Variants in WDPCP observed in about 807,000 individuals in gnomAD.
The protein encoded by WDPCP is WD repeat-containing and planar cell polarity effector protein fritz homolog.
Under a neutral mutation model 93.1 loss-of-function variants are expected in WDPCP, and 71 were observed. The ratio of observed to expected loss-of-function variants is 0.76; its 90% confidence interval spans 0.63 to 0.93. WDPCP has a LOEUF of 0.93. WDPCP is among the 40% of genes least tolerant of loss of function. The pLI is 0.00. For synonymous variants in WDPCP, 315 were observed against 315.0 expected (o/e 1.00, Z 0.00); for missense variants, 844 against 887.4 (o/e 0.95, Z 0.62).
intron 12 of WDPCP, among the ~76,000 whole-genome samples, chr2:63,333,949 A>G (rs1321082011): frequency 6.6e-6 from 1 of 152,242 alleles, no homozygotes; most frequent in Non-Finnish European, 1.5e-5. Flanking sequence ...GAAATAATGA[A>G]GGGGAAATAT....
the WDPCP span, among the ~76,000 whole-genome samples, chr2:63,836,753 A>T: frequency 2.6e-5 from 4 of 152,334 alleles, no homozygotes; most frequent in East Asian, 7.7e-4. Context: ...ATTTCTCACC[A>T]ACACTCTCCT....
chr2:63,732,298 T>C (rs905371483), intron 2 of WDPCP, among the ~76,000 whole-genome samples: 2 of 152,234 alleles, frequency 1.3e-5, no homozygotes, highest in Non-Finnish European at 2.9e-5. Flanking sequence ...ATTGATGCTA[T>C]AAAGACTAGG....
intron 14 of WDPCP, among the ~76,000 whole-genome samples, chr2:63,249,738 G>A (rs1332001552): frequency 6.6e-6 from 1 of 152,278 alleles, no homozygotes; most frequent in East Asian, 1.9e-4. Flanking sequence ...TTCCAGGTAT[G>A]GTAGTCTTCC....
intron 6 of WDPCP, among the ~76,000 whole-genome samples, chr2:63,469,532 A>G (rs921514379): frequency 2.0e-5 from 3 of 152,208 alleles, no homozygotes; most frequent in Non-Finnish European, 4.4e-5. Context: ...AAGGACTAAG[A>G]CCATGTTCTT....
Position 63,285,433 on chromosome 2 carries a change from CA to C in WDPCP, c.1813-26025del, listed in dbSNP as rs749712426. 6.7e-3 allele frequency among the ~76,000 whole-genome samples: 343 copies of C among 50,864 alleles called. 2 individuals carry two copies. Among genetic ancestry groups the C allele is most frequent in the African/African-American group, 8.2e-3 (102 of 12,364 alleles). The allele number at this position is 50,864 out of a possible 152,430, so 33.4% of individuals were successfully genotyped here. A position where few individuals can be genotyped will look rare whatever the true frequency, so the allele number is the denominator to read the frequency against. On this transcript the variant is annotated intron_variant, in intron 13 of 17. Transcript: ENST00000272321. ...TGGGTGACAGAGTGAGACTCCATCT[CA>C]AAAAAAAAAAAAAAAAAGTCCAAAA... is the stretch of plus-strand genomic sequence containing the variant.
At chr2:63,729,628 CA>C (rs1327884078) in intron 2 of WDPCP, among the ~76,000 whole-genome samples, 3 of 151,934 alleles carry the variant, frequency 2.0e-5, no homozygotes, top group Non-Finnish European at 4.4e-5. Flanking sequence ...CAAAGCAAAA[CA>C]AAACAAAAAA....
At chr2:63,719,369 T>A (rs890184253) in intron 2 of WDPCP, among the ~76,000 whole-genome samples, 1 of 152,166 alleles carries the variant, frequency 6.6e-6, no homozygotes, top group African/African-American at 2.4e-5. Context: ...TACCCTGACC[T>A]CTTTTTCTGT....
At chr2:63,801,207 T>C (rs1171825731) in intron 2 of WDPCP, among the ~76,000 whole-genome samples, 2 of 152,298 alleles carry the variant, frequency 1.3e-5, no homozygotes, top group African/African-American at 4.8e-5. Context: ...GCAGGAATCA[T>C]ATGAAGGTTT....
intron 17 of WDPCP, among the ~76,000 whole-genome samples, chr2:63,137,119 T>C (rs1330168753): frequency 1.3e-5 from 2 of 152,182 alleles, no homozygotes; most frequent in African/African-American, 2.4e-5. Flanking sequence ...CTGTAGGACG[T>C]TGAGGAATCA....
intron 14 of WDPCP, among the ~76,000 whole-genome samples, chr2:63,237,041 T>C (rs1380628406): frequency 1.3e-5 from 2 of 151,426 alleles, no homozygotes; most frequent in Non-Finnish European, 2.9e-5. Context: ...ACAGAATAAA[T>C]AGATAACCTA....
chr2:63,697,932 G>A (rs1435369710), intron 2 of WDPCP, among the ~76,000 whole-genome samples: 1 of 144,630 alleles, frequency 6.9e-6, no homozygotes, highest in Non-Finnish European at 1.5e-5. Context: ...CTACAGGTAT[G>A]AGTCACCATG....
intron 2 of WDPCP, among the ~76,000 whole-genome samples, chr2:63,706,165 T>A (rs1283195119): frequency 6.6e-6 from 1 of 150,534 alleles, no homozygotes; most frequent in African/African-American, 2.4e-5. Context: ...TCTTCCTCCA[T>A]CCCTTTATTT....
At chr2:63,177,282 T>C (rs1200739857) in intron 14 of WDPCP, among the ~76,000 whole-genome samples, 2 of 152,222 alleles carry the variant, frequency 1.3e-5, no homozygotes, top group Non-Finnish European at 2.9e-5. Context: ...TTTCCAAAGA[T>C]GCCATTGGGA....
chr2:63,782,797 T>C (rs1211952566), intron 2 of WDPCP, among the ~76,000 whole-genome samples: 3 of 151,732 alleles, frequency 2.0e-5, no homozygotes, highest in Non-Finnish European at 2.9e-5. Context: ...TGTGTGTGTG[T>C]GTAATATATA....
chr2:63,324,315 C>T (rs1339046480), intron 12 of WDPCP, among the ~76,000 whole-genome samples: 1 of 152,064 alleles, frequency 6.6e-6, no homozygotes, highest in African/African-American at 2.4e-5. Context: ...CTATGGCTCC[C>T]CCTCCTATTA....
chr2:63,443,128 A>G (rs1376883295), intron 6 of WDPCP: 1 of 152,216 alleles, frequency 6.6e-6, no homozygotes, highest in African/African-American at 2.4e-5. Flanking sequence ...CCCAAAATAT[A>G]TATATTTAGT....
At chr2:63,528,328 G>T (rs895799136) in intron 1 of WDPCP, among the ~76,000 whole-genome samples, 13 of 152,104 alleles carry the variant, frequency 8.5e-5, no homozygotes, top group East Asian at 1.9e-4. Flanking sequence ...TAGGTTTTCT[G>T]CTAGGGTTTT....
intron 14 of WDPCP, chr2:63,233,271 A>G (rs1679095121): frequency 5.2e-6 from 1 of 193,084 alleles, no homozygotes; most frequent in Admixed American, 6.0e-5. Flanking sequence ...GAAAAATTCA[A>G]TTTTGTTCTT....
intron 9 of WDPCP, among the ~76,000 whole-genome samples, chr2:63,421,343 C>T (rs565695791): frequency 1.3e-5 from 2 of 152,052 alleles, no homozygotes; most frequent in East Asian, 3.9e-4. Context: ...ATCCTCCAAT[C>T]CACAGAACTA....
Sources: allele counts gnomAD v4.1 joint callset (sites outside exome capture counted in the v4.1 genomes callset), GRCh38; gene constraint gnomAD v4.1.1; transcripts MANE v1.5; gene names NCBI Gene and HGNC (gene_info 2026-07-23, HGNC 2026-07-21).